The following DHRSX variants were observed in gnomAD, a reference collection of about 807,000 sequenced individuals.
DHRSX encodes the protein polyprenol dehydrogenase.
DHRSX carries 31 observed loss-of-function variants against 34.0 expected under a neutral mutation model. That is an observed-to-expected ratio of 0.91 (90% confidence interval 0.69 to 1.23). The LOEUF (loss-of-function observed/expected upper bound fraction) is 1.23, where lower values mean the gene tolerates loss of function less well. Ranked by LOEUF, DHRSX falls within the 50% of genes most tolerant of loss-of-function variation. The probability of loss-of-function intolerance (pLI) is 0.00; values close to 1 mark genes in which losing one functional copy is unlikely to be tolerated. For synonymous variants in DHRSX, 201 were observed against 183.8 expected, an observed-to-expected ratio of 1.09 and a Z score of -0.76; for missense variants, 414 against 428.1, an observed-to-expected ratio of 0.97 and a Z score of 0.29.
intron 1 of DHRSX, among the ~76,000 whole-genome samples, chrX:2,480,815 C>CAA (rs774662963): frequency 6.6e-6 from 1 of 151,006 alleles, no homozygotes; most frequent in South Asian, 2.1e-4. Context: ...GAGACTGTCT[C>CAA]AAAAAAAATA....
chrX:2,387,099 T>A (rs896004610), intron 3 of DHRSX, among the ~76,000 whole-genome samples: 1 of 152,164 alleles, frequency 6.6e-6, no homozygotes, highest in Non-Finnish European at 1.5e-5. Flanking sequence ...TCCATTTCCA[T>A]GGATATTATT....
intron 5 of DHRSX, 69 bp downstream of exon 5, chrX:2,266,671 G>A: frequency 6.8e-7 from 1 of 1,479,024 alleles, no homozygotes; most frequent in Non-Finnish European, 9.5e-7. Flanking sequence ...ACACCGCACA[G>A]ACAGAGGGAG....
rs930586929 is a variant in DHRSX at position 2,375,202 on chromosome X, C to T, written c.286+33543G>A. Reference sequence around the variant, plus strand: ...CATCTCAAAGGGAATTTCTGGAGTGCAGAAAGCAACCACATCAGGTGGGAA... The same window carrying T: ...CATCTCAAAGGGAATTTCTGGAGTGTAGAAAGCAACCACATCAGGTGGGAA... On this transcript the variant is annotated intron_variant, in intron 3 of 6. Coordinates refer to ENST00000334651, the MANE Select transcript of DHRSX (RefSeq NM_145177.3). Among the ~76,000 whole-genome samples, 4 of 138,674 alleles carry T rather than the reference C, an allele frequency of 2.9e-5. 2 individuals carry two copies. The highest frequency in any genetic ancestry group is 6.8e-5 in the Non-Finnish European group (4 of 58,716). 91.0% of individuals were successfully genotyped at this position (138,674 alleles called of 152,430 possible).
chrX:2,392,991 T>G (rs2043353886), intron 3 of DHRSX, among the ~76,000 whole-genome samples: 1 of 144,868 alleles, frequency 6.9e-6, no homozygotes, highest in Admixed American at 7.0e-5. Flanking sequence ...ACAAAATATA[T>G]ATACATTACA....
intron 6 of DHRSX, among the ~76,000 whole-genome samples, chrX:2,232,211 C>A (rs2015911356): frequency 6.6e-6 from 1 of 151,792 alleles, no homozygotes. Flanking sequence ...TAAAAAAAAA[C>A]TAGACAACCT....
rs139630318 is a variant in DHRSX, at chrX:2,276,090, C to T, written c.389-9143G>A. On this transcript the variant is annotated intron_variant, in intron 4 of 6. Coordinates refer to ENST00000334651, the MANE Select transcript of DHRSX (RefSeq NM_145177.3). ...AACTCCTGACCTCGTGATCCATCCA[C>T]GTCGGCCTCCCAAAGTGCTGGGATT... Among the ~76,000 whole-genome samples, 593 of 152,302 alleles carry T rather than the reference C, an allele frequency of 3.9e-3. 7 individuals are homozygous for T. Among genetic ancestry groups the T allele is most frequent in the African/African-American group, 0.013 (536 of 41,578 alleles).
chrX:2,286,414 G>C (rs1228177111), intron 4 of DHRSX, among the ~76,000 whole-genome samples: 1 of 152,192 alleles, frequency 6.6e-6, no homozygotes, highest in African/African-American at 2.4e-5. Flanking sequence ...TCTCAGCATA[G>C]ACTGTGCCAT....
At chrX:2,446,674 G>T (rs927477042) in intron 1 of DHRSX, among the ~76,000 whole-genome samples, 5 of 151,948 alleles carry the variant, frequency 3.3e-5, no homozygotes, top group Non-Finnish European at 5.9e-5. Flanking sequence ...CCCTAAAAAT[G>T]TGGCCAAGGG....
At chrX:2,489,633 G>A (rs1263556481) in intron 1 of DHRSX, 5 of 1,612,404 alleles carry the variant, frequency 3.1e-6, no homozygotes, top group South Asian at 1.1e-5. Flanking sequence ...TCCTTGAGGC[G>A]CTGCAGCATG....
chrX:2,485,272 A>C (rs2044859576), intron 1 of DHRSX, among the ~76,000 whole-genome samples: 1 of 152,136 alleles, frequency 6.6e-6, no homozygotes. Flanking sequence ...ACTTAAATGA[A>C]CATCACGATG....
chrX:2,349,139 A>AGCAT (rs2042755540), intron 3 of DHRSX, among the ~76,000 whole-genome samples: 1 of 152,182 alleles, frequency 6.6e-6, no homozygotes, highest in African/African-American at 2.4e-5. Flanking sequence ...TGATCCAGCA[A>AGCAT]GCATGCTTCT....
intron 3 of DHRSX, among the ~76,000 whole-genome samples, chrX:2,369,304 G>A (rs773917669): frequency 2.0e-4 from 30 of 152,290 alleles, no homozygotes; most frequent in African/African-American, 6.3e-4. Context: ...TGATTCAGGC[G>A]AAACTCTCAC....
At chrX:2,490,492 G>A (rs368089950) in intron 1 of DHRSX, 32 of 1,613,878 alleles carry the variant, frequency 2.0e-5, no homozygotes, top group South Asian at 2.2e-5. Context: ...TGACGAACTC[G>A]CAGAATTCCT....
chrX:2,476,433 A>T (rs1188583429), intron 1 of DHRSX, among the ~76,000 whole-genome samples: 1 of 151,664 alleles, frequency 6.6e-6, no homozygotes, highest in African/African-American at 2.4e-5. Flanking sequence ...AAAAGAAAAC[A>T]GACATATTCA....
At chrX:2,330,403 C>T (rs1569489777) in intron 3 of DHRSX, among the ~76,000 whole-genome samples, 1 of 151,594 alleles carries the variant, frequency 6.6e-6, no homozygotes, top group Non-Finnish European at 1.5e-5. Flanking sequence ...TGCCTGTAAT[C>T]CCAGCTACTC....
At chrX:2,244,736 G>A (rs1375139823) in intron 5 of DHRSX, among the ~76,000 whole-genome samples, 2 of 151,742 alleles carry the variant, frequency 1.3e-5, no homozygotes, top group African/African-American at 4.8e-5. Flanking sequence ...TTTTGAGACA[G>A]AGTCTTGCTC....
intron 1 of DHRSX, among the ~76,000 whole-genome samples, chrX:2,486,054 G>A (rs1044269380): frequency 1.3e-5 from 2 of 151,920 alleles, no homozygotes; most frequent in Non-Finnish European, 2.9e-5. Flanking sequence ...AGGCTGGGGG[G>A]AGAGGGAAGG....
chrX:2,311,343 G>A (rs1369554078), intron 3 of DHRSX, among the ~76,000 whole-genome samples: 3 of 152,194 alleles, frequency 2.0e-5, no homozygotes, highest in East Asian at 1.9e-4. Flanking sequence ...TACTACGATG[G>A]CCCTCCTCTC....
chrX:2,317,385 G>A (rs1194882134), intron 3 of DHRSX, among the ~76,000 whole-genome samples: 2 of 151,756 alleles, frequency 1.3e-5, no homozygotes, highest in Non-Finnish European at 2.9e-5. Context: ...CCAAGTAGCT[G>A]GGATTACAGG....
Sources: allele counts gnomAD v4.1 joint callset (sites outside exome capture counted in the v4.1 genomes callset), GRCh38; gene constraint gnomAD v4.1.1; transcripts MANE v1.5; gene names NCBI Gene and HGNC (gene_info 2026-07-23, HGNC 2026-07-21).